Variants in MAST4 observed in about 807,000 individuals in gnomAD.
MAST4 encodes microtubule associated serine/threonine kinase family member 4.
A neutral mutation model predicts 162.7 loss-of-function variants in MAST4; 89 were observed. The ratio of observed to expected loss-of-function variants is 0.55; its 90% CI spans 0.46 to 0.65. MAST4 has a LOEUF of 0.65. Ranked by LOEUF, MAST4 falls within the 30% of genes least tolerant of loss-of-function variation. MAST4 has a pLI of 0.00. For synonymous variants in MAST4, 1,479 were observed against 1,361.1 expected (o/e 1.09, Z -1.91); for missense variants, 3,153 against 3,374.0 (o/e 0.93, Z 1.62).
intron 4 of MAST4, among the ~76,000 whole-genome samples, chr5:66,957,499 T>C (rs2150147937): frequency 6.6e-6 from 1 of 152,298 alleles, no homozygotes; most frequent in African/African-American, 2.4e-5. Context: ...TCTACTAAAT[T>C]ACAATTACTT....
chr5:66,863,342 G>A (rs1221428385), intron 3 of MAST4, among the ~76,000 whole-genome samples: 1 of 152,122 alleles, frequency 6.6e-6, no homozygotes, highest in African/African-American at 2.4e-5. Flanking sequence ...AAATTTTGAA[G>A]GTGAAAACCA....
chr5:66,928,699 A>G (rs1350202472), intron 4 of MAST4, among the ~76,000 whole-genome samples: 1 of 152,104 alleles, frequency 6.6e-6, no homozygotes, highest in Non-Finnish European at 1.5e-5. Flanking sequence ...ACAGCTTTGT[A>G]TGTTGTGGAG....
intron 3 of MAST4, among the ~76,000 whole-genome samples, chr5:66,806,278 G>T (rs1756182347): frequency 6.6e-6 from 1 of 152,200 alleles, no homozygotes; most frequent in Non-Finnish European, 1.5e-5. Flanking sequence ...GGCTTGGGCA[G>T]GATTGAATGG....
chr5:66,754,119 G>A (rs1753372276), intron 1 of MAST4, among the ~76,000 whole-genome samples: 2 of 151,560 alleles, frequency 1.3e-5, no homozygotes, highest in Admixed American at 1.3e-4. Context: ...TGCTAAAAAC[G>A]CTCAATAAAT....
At chr5:66,765,633 T>C (rs1409469015) in intron 2 of MAST4, among the ~76,000 whole-genome samples, 1 of 152,170 alleles carries the variant, frequency 6.6e-6, no homozygotes, top group East Asian at 1.9e-4. Context: ...AAAAAAAATC[T>C]TTTACAATAA....
intron 1 of MAST4, among the ~76,000 whole-genome samples, chr5:66,675,729 G>T (rs1747903027): frequency 6.6e-6 from 1 of 152,132 alleles, no homozygotes; most frequent in Non-Finnish European, 1.5e-5. Flanking sequence ...GATCCAAAAA[G>T]ATCCCTGTGA....
chr5:66,823,386 ATGGTTCTTC>A (rs1757087237), intron 3 of MAST4, among the ~76,000 whole-genome samples: 3 of 152,200 alleles, frequency 2.0e-5, no homozygotes, highest in Non-Finnish European at 2.9e-5. Context: ...GGGGATTATA[ATGGTTCTTC>A]ACTTATGTGG....
At position 66,864,686 on chromosome 5, in the gene MAST4, C is replaced by T. The variant is rs73765383; in HGVS notation, c.643-35265C>T. Among the ~76,000 whole-genome samples the T allele has an allele frequency of 7.1e-3, 1,064 of 150,066 alleles. 10 individuals carry two copies. Among genetic ancestry groups the T allele is most frequent in the African/African-American group, 0.024 (999 of 40,976 alleles). ...ATGGAAGTCCTAACCCCCAATACTG[C>T]GGATGGGATGAAGACACAAGGAGAA... is the stretch of plus-strand genomic sequence containing the variant. On this transcript the variant is annotated intron_variant, in intron 3 of 28. Transcript: ENST00000403625.
At chr5:66,819,768 C>T (rs1428922593) in intron 3 of MAST4, among the ~76,000 whole-genome samples, 1 of 120,050 alleles carries the variant, frequency 8.3e-6, no homozygotes, top group Non-Finnish European at 1.7e-5. Context: ...CTTCTCCTCA[C>T]TGTGGGATTT....
intron 24 of MAST4, among the ~76,000 whole-genome samples, chr5:67,150,624 T>C (rs1771681669): frequency 6.6e-6 from 1 of 152,176 alleles, no homozygotes; most frequent in Non-Finnish European, 1.5e-5. Context: ...GAAAGCTGGT[T>C]AGGAAGCCCG....
In MAST4 at chr5:67,060,346, A is replaced by G. The variant is rs1286849164; in HGVS notation, c.763+5854A>G. 3.3e-5 allele frequency among the ~76,000 whole-genome samples: 5 copies of G among 152,348 alleles called. No individual in the cohort carries two copies. The East Asian group carries it at 7.7e-4, about 23-fold the overall frequency. On this transcript the variant is annotated intron_variant, in intron 5 of 28. Coordinates refer to ENST00000403625, the MANE Select transcript of MAST4 (RefSeq NM_001164664.2). ...TTAATGCAAATAATTGAAAGTTAAT[A>G]GTCTGGCAATAAGGTGGAGATAGGG...
intron 3 of MAST4, among the ~76,000 whole-genome samples, chr5:66,870,581 A>G (rs1382282585): frequency 6.7e-6 from 1 of 148,166 alleles, no homozygotes. Context: ...TGTTTATAAT[A>G]AAATAACTTG....
chr5:66,720,547 C>T (rs954796653), intron 1 of MAST4, among the ~76,000 whole-genome samples: 19 of 151,962 alleles, frequency 1.3e-4, no homozygotes, highest in African/African-American at 4.6e-4. Context: ...TTTCCTTTGT[C>T]TCTTTGGCTC....
chr5:67,056,702 T>C lies in MAST4; in HGVS notation c.763+2210T>C, dbSNP rs551652603. 9.1e-4 allele frequency among the ~76,000 whole-genome samples: 138 copies of C among 152,290 alleles called. 2 individuals are homozygous for C. The highest frequency in any genetic ancestry group is 9.6e-4 in the Non-Finnish European group (65 of 68,018). Reference sequence around the variant, plus strand: ...TGTCATTCAGGTTCTAAGAGTGTTTTGTTTTTGTTTTTGAGACAAAACCTA... The same window carrying C: ...TGTCATTCAGGTTCTAAGAGTGTTTCGTTTTTGTTTTTGAGACAAAACCTA... On this transcript the variant is annotated intron_variant, in intron 5 of 28. Transcript: ENST00000403625.
rs541853486 is a variant in MAST4 at position 67,144,689 on chromosome 5, A to G, written c.2751A>G (p.Arg917=). 1 of 1,613,950 alleles carries G rather than the reference A, an allele frequency of 6.2e-7. No homozygotes were observed. Among genetic ancestry groups the G allele is most frequent in the Admixed American group, 1.7e-5 (1 of 60,022 alleles). The change falls in exon 22 of 29, where the codon CGA becomes CGG. Residue 917 remains arginine, a synonymous_variant. Transcript: ENST00000403625. The part of the protein sequence containing the change: ...RFSKVFSSID[R]ITQNSAEEKE... ...TCCAGGTTTTCAGCAGTATAGATCG[A>G]ATCACTCAGAATTCAGCAGAAGAGA...
intron 4 of MAST4, among the ~76,000 whole-genome samples, chr5:67,032,092 C>A (rs1467543201): frequency 2.0e-5 from 3 of 152,122 alleles, no homozygotes; most frequent in Non-Finnish European, 4.4e-5. Context: ...TCTATAGATT[C>A]TTTCAGAATG....
At chr5:67,083,146 AT>A (rs1001210182) in intron 5 of MAST4, among the ~76,000 whole-genome samples, 1 of 152,222 alleles carries the variant, frequency 6.6e-6, no homozygotes, top group African/African-American at 2.4e-5. Flanking sequence ...GATTTGATAG[AT>A]TCTTGGCACA....
chr5:66,602,583 G>T (rs4296752), intron 1 of MAST4, among the ~76,000 whole-genome samples: 9,811 of 151,928 alleles, frequency 0.065, 630 homozygotes, highest in South Asian at 0.18. Flanking sequence ...ACTGGAAAAA[G>T]AATCCTCATA....
intron 11 of MAST4, among the ~76,000 whole-genome samples, chr5:67,113,709 T>C (rs1443812229): frequency 6.6e-6 from 1 of 152,200 alleles, no homozygotes; most frequent in Non-Finnish European, 1.5e-5. Context: ...AGAGAGAAAT[T>C]GAATCTCAAA....
Sources: allele counts gnomAD v4.1 joint callset (sites outside exome capture counted in the v4.1 genomes callset), GRCh38; gene constraint gnomAD v4.1.1; transcripts MANE v1.5; gene names NCBI Gene and HGNC (gene_info 2026-07-23, HGNC 2026-07-21).